POU2F2: variants seen among roughly 807,000 people sequenced by gnomAD.
The protein encoded by POU2F2 is POU domain, class 2, transcription factor 2.
POU2F2 carries 14 observed loss-of-function variants against 63.5 expected under a neutral mutation model. That is an observed-to-expected ratio of 0.22 (90% CI 0.15 to 0.34). The LOEUF is 0.34. Ranked by LOEUF, POU2F2 falls within the 10% of genes least tolerant of loss-of-function variation. The probability of loss-of-function intolerance (pLI) is 1.00; values close to 1 mark genes in which losing one functional copy is unlikely to be tolerated. For missense variants in POU2F2, 607 were observed against 815.2 expected, an observed-to-expected ratio of 0.74 and a Z score of 3.11; for synonymous variants, 306 against 348.6, an observed-to-expected ratio of 0.88 and a Z score of 1.36.
At chr19:42,093,434 C>T (rs976458064) in intron 12 of POU2F2, 1 of 167,554 alleles carries the variant, frequency 6.0e-6, no homozygotes. Context: ...TGTATATGTA[C>T]ATACACATAC....
At chr19:42,143,173 G>C (rs1404475608) in intron 2 of POU2F2, among the ~76,000 whole-genome samples, 2 of 152,048 alleles carry the variant, frequency 1.3e-5, no homozygotes, top group Non-Finnish European at 2.9e-5. Context: ...GACCAGCCTG[G>C]CCAACATGGT....
rs2035050426 is a variant in POU2F2, at chr19:42,189,212, C to T, written c.-70+7171G>A. ...TCCATTTCGCCATCCTCTGTAATGG[C>T]TCCCTGACTTTTCACTGAGTAACCA... On this transcript the variant is annotated intron_variant, in intron 1 of 5. Coordinates refer to the POU2F2 transcript ENST00000532176. Among the ~76,000 whole-genome samples, 3 of 152,308 alleles carry T rather than the reference C, an allele frequency of 2.0e-5. No homozygotes were observed. The East Asian group carries it at 5.8e-4, about 29-fold the overall frequency.
chr19:42,132,208 G>A (rs1222153202), intron 1 of POU2F2, among the ~76,000 whole-genome samples, 176 bp downstream of exon 1: 2 of 152,234 alleles, frequency 1.3e-5, no homozygotes, highest in African/African-American at 2.4e-5. Context: ...GAAAGAGAGG[G>A]CAAAGAGGAG....
intron 5 of POU2F2, among the ~76,000 whole-genome samples, chr19:42,111,782 G>A (rs575927015): frequency 6.6e-6 from 1 of 152,194 alleles, no homozygotes; most frequent in South Asian, 2.1e-4. Flanking sequence ...ACTTCCTACT[G>A]GGCTCTCTTT....
chr19:42,123,269 C>A (rs2032860423), intron 1 of POU2F2: 2 of 152,438 alleles, frequency 1.3e-5, no homozygotes, highest in African/African-American at 4.8e-5. Flanking sequence ...TAAACCTGAT[C>A]TGGGACTTCA....
intron 2 of POU2F2, among the ~76,000 whole-genome samples, chr19:42,151,365 T>C (rs1013214247): frequency 6.6e-6 from 1 of 151,322 alleles, no homozygotes; most frequent in African/African-American, 2.4e-5. Flanking sequence ...GGGTCAAGGC[T>C]AAGGTGATTC....
intron 1 of POU2F2, among the ~76,000 whole-genome samples, chr19:42,127,014 T>C (rs1244510419): frequency 6.6e-6 from 1 of 151,574 alleles, no homozygotes; most frequent in African/African-American, 2.4e-5. Context: ...CCTCCTGGGG[T>C]CAAGCTATCC....
At chr19:42,197,279 C>T (rs2035161387), upstream of POU2F2, among the ~76,000 whole-genome samples, 1 of 152,204 alleles carries the variant, frequency 6.6e-6, no homozygotes, top group Non-Finnish European at 1.5e-5. Context: ...TCACATCAAA[C>T]ATGGGTTTAA....
intron 1 of POU2F2, among the ~76,000 whole-genome samples, chr19:42,125,891 T>C (rs567588013): frequency 2.9e-4 from 44 of 152,262 alleles, no homozygotes; most frequent in African/African-American, 1.1e-3. Context: ...CTGTGCAGGT[T>C]CTACACTCCC....
chr19:42,149,830 C>T lies in POU2F2; in HGVS notation c.-9+10502G>A, dbSNP rs141078768. Among the ~76,000 whole-genome samples, 986 of 152,296 alleles carry T rather than the reference C, an allele frequency of 6.5e-3. 9 individuals are homozygous for T. The highest frequency in any genetic ancestry group is 0.01 in the Middle Eastern group (3 of 294). Reference sequence around the variant, plus strand: ...CCAGCAGGGTGTGTGGTGTCGTCCCCATCCCTGAAGGGGCTGCTCCGGGCA... The same window carrying T: ...CCAGCAGGGTGTGTGGTGTCGTCCCTATCCCTGAAGGGGCTGCTCCGGGCA... On this transcript the variant is annotated intron_variant, in intron 2 of 6. Coordinates refer to the POU2F2 transcript ENST00000524801.
At chr19:42,108,839 C>G (rs1422028133) in intron 5 of POU2F2, among the ~76,000 whole-genome samples, 1 of 152,194 alleles carries the variant, frequency 6.6e-6, no homozygotes, top group African/African-American at 2.4e-5. Context: ...ATCAGCTGCT[C>G]TGTCCCTAAG....
chr19:42,170,069 T>C lies in POU2F2; in HGVS notation c.-70+5894A>G, dbSNP rs1403718642. On this transcript the variant is annotated intron_variant, in intron 1 of 6. Coordinates refer to the POU2F2 transcript ENST00000524801. ...TTGGGGCTGCTGTGCTCAAAGGTCATGGGGGGAAAAGGAGGAGGAGGGGTG... is the reference window on the plus strand; with the variant it reads ...TTGGGGCTGCTGTGCTCAAAGGTCACGGGGGGAAAAGGAGGAGGAGGGGTG... Among the ~76,000 whole-genome samples, 4 of 151,452 alleles carry C rather than the reference T, an allele frequency of 2.6e-5. No homozygotes were observed. In the East Asian group the frequency reaches 5.8e-4, roughly 22 times the overall value.
intron 1 of POU2F2, among the ~76,000 whole-genome samples, chr19:42,166,488 A>T (rs559070906): frequency 3.9e-5 from 6 of 152,332 alleles, no homozygotes; most frequent in African/African-American, 1.4e-4. Context: ...GCCAACAAGG[A>T]AACTCGAGGC....
intron 1 of POU2F2, among the ~76,000 whole-genome samples, chr19:42,171,082 G>A (rs2034754799): frequency 6.6e-6 from 1 of 152,236 alleles, no homozygotes; most frequent in South Asian, 2.1e-4. Flanking sequence ...TTCCTCAAGG[G>A]ATTCCGATGT....
At chr19:42,124,942 A>G (rs932187456) in intron 1 of POU2F2, among the ~76,000 whole-genome samples, 1 of 152,256 alleles carries the variant, frequency 6.6e-6, no homozygotes, top group Non-Finnish European at 1.5e-5. Flanking sequence ...AGCCTGCACC[A>G]GGTAAGAAAG....
exon 1 of POU2F2, chr19:42,175,972 C>CA (rs1431146795): frequency 6.6e-6 from 1 of 152,016 alleles, no homozygotes; most frequent in Admixed American, 6.5e-5. Context: ...CCTCTCCCCC[C>CA]CCATTGCACC....
chr19:42,117,333 G>T lies in POU2F2; in HGVS notation c.286C>A (p.Pro96Thr), dbSNP rs369000179. ...GGCTGAGGGGGCAGGGGTGCTGCTG[G>T]GGCTGAATCGCCACTGGGGTCTTCA... The part of the protein sequence containing the change: ...KAEDPSGDSA[P>T]AAPLPPQPAQ... The change falls in exon 5 of 15, where the codon CCA becomes ACA. Residue 96 changes from proline (P) to threonine (T), a missense_variant. This residue lies in a region of POU2F2 where 224 missense variants were observed against 264.3 expected (regional missense o/e 0.85). Coordinates refer to ENST00000692977, the MANE Select transcript of POU2F2 (RefSeq NM_001394376.1). The surrounding 1 kb of genome is among the most constrained non-coding windows in gnomAD (Gnocchi z 4.4). 49 of 1,529,114 alleles carry T rather than the reference G, an allele frequency of 3.2e-5. 1 individual carries two copies. The highest frequency in any genetic ancestry group is 2.6e-4 in the South Asian group (20 of 76,738). 94.7% of individuals were successfully genotyped at this position (1,529,114 alleles called of 1,614,324 possible).
intron 2 of POU2F2, among the ~76,000 whole-genome samples, chr19:42,157,803 C>A (rs888453824): frequency 5.3e-5 from 8 of 152,106 alleles, no homozygotes; most frequent in Admixed American, 4.6e-4. Context: ...GTGAAGCCAA[C>A]CCAGAGTGGA....
Position 42,116,900 on chromosome 19 carries a change from C to T in POU2F2, c.369+350G>A, listed in dbSNP as rs749379970. The T allele has an allele frequency of 6.0e-5, 30 of 497,766 alleles. No individual in the cohort carries two copies. The Admixed American group carries it at 6.8e-4, about 11-fold the overall frequency. The allele number at this position is 497,766 out of a possible 1,614,324, so 30.8% of individuals were successfully genotyped here. A position where few individuals can be genotyped will look rare whatever the true frequency, so the allele number is the denominator to read the frequency against. On this transcript the variant is annotated intron_variant, in intron 5 of 14. Coordinates refer to ENST00000692977, the MANE Select transcript of POU2F2 (RefSeq NM_001394376.1). ...GAGGCGGCGGCGGCGGCGGCAGCGGCGTTAGCGGCAGCGGCGGCACTGGAC... is the reference window on the plus strand; with the variant it reads ...GAGGCGGCGGCGGCGGCGGCAGCGGTGTTAGCGGCAGCGGCGGCACTGGAC...
Sources: gnomAD v4.1 joint callset for allele counts (sites outside exome capture counted in the v4.1 genomes callset) on GRCh38, gnomAD v4.1.1 for gene constraint, gnomAD v4.1.1 regional missense constraint, Gnocchi (gnomAD v3.1) non-coding constraint, MANE v1.5 for transcripts, NCBI Gene and HGNC (gene_info 2026-07-23, HGNC 2026-07-21) for gene names.